Variants in HIPK2 observed in about 807,000 individuals in gnomAD.
HIPK2 encodes homeodomain-interacting protein kinase 2.
HIPK2 carries 27 observed loss-of-function variants against 113.7 expected under a neutral mutation model. That is an observed-to-expected ratio of 0.24 (90% CI 0.17 to 0.33). The LOEUF is 0.33. HIPK2 is among the 10% of genes least tolerant of loss of function. The pLI is 1.00. For synonymous variants in HIPK2, 631 were observed against 642.2 expected, an observed-to-expected ratio of 0.98 and a Z score of 0.26; for missense variants, 1,257 against 1,588.0, an observed-to-expected ratio of 0.79 and a Z score of 3.54.
chr7:139,728,307 C>T (rs1467287074), intron 1 of HIPK2, among the ~76,000 whole-genome samples: 1 of 152,118 alleles, frequency 6.6e-6, no homozygotes, highest in African/African-American at 2.4e-5. Context: ...ATGAATCTGC[C>T]AGGGTTGGGG....
chr7:139,605,489 G>C (rs1392985401), intron 9 of HIPK2, among the ~76,000 whole-genome samples: 2 of 152,144 alleles, frequency 1.3e-5, no homozygotes, highest in African/African-American at 4.8e-5. Flanking sequence ...CGAATGCAGT[G>C]CTTCACAAAC....
At chr7:139,670,291 A>C (rs1400469937) in intron 2 of HIPK2, among the ~76,000 whole-genome samples, 1 of 152,130 alleles carries the variant, frequency 6.6e-6, no homozygotes, top group East Asian at 1.9e-4. Flanking sequence ...TCATATGTCT[A>C]AGGAAACTGT....
Position 139,613,272 on chromosome 7 carries a change from T to C in HIPK2, c.2042A>G (p.Asn681Ser). Residue 681 changes from asparagine to serine, a missense_variant, in exon 9 of 15, where the codon AAT becomes AGT. Physicochemically the swap from Asn to Ser is conservative, Grantham distance 46. This residue lies in a region of HIPK2 where 862 missense variants were observed against 1,004.3 expected (regional missense o/e 0.86). Transcript: ENST00000406875. This position sits in a 1 kb window ranked among gnomAD's most constrained non-coding sequence, Gnocchi z 4.2. The stretch of plus-strand genomic sequence containing the variant: ...GGCTTGAGTGACGATGGGAACTGCA[T>C]TTTCCATTCGCACCGAGTAGCCAGC... ...KHAGYSVRME[N>S]AVPIVTQAPG... 1 of 1,613,782 alleles carries C rather than the reference T, an allele frequency of 6.2e-7. No homozygotes were observed. Among genetic ancestry groups the C allele is most frequent in the Non-Finnish European group, 8.5e-7 (1 of 1,179,826 alleles).
rs1469400340 is a variant in HIPK2, at chr7:139,570,835, C to CAATT, written c.*2088_*2091dup. On this transcript the variant is annotated 3_prime_UTR_variant, in exon 15 of 15. Transcript: ENST00000406875. ...CTAAAGACTCAACATCAGAAGCAAA[C>CAATT]AATTAGAACCACCCTTTTCGGCCCC... The CAATT allele has an allele frequency of 6.6e-6, 1 of 152,188 alleles. No homozygotes were observed. The highest frequency in any genetic ancestry group is 1.5e-5 in the Non-Finnish European group (1 of 68,028). The allele number at this position is 152,188 out of a possible 1,614,324, so 9.4% of individuals were successfully genotyped here.
intron 5 of HIPK2, among the ~76,000 whole-genome samples, chr7:139,628,681 G>A (rs529380935): frequency 6.6e-5 from 10 of 152,280 alleles, no homozygotes; most frequent in East Asian, 3.9e-4. Context: ...TCATCCACTC[G>A]CCTTGGCCTC....
chr7:139,637,577 A>C (rs1025282978), intron 2 of HIPK2, among the ~76,000 whole-genome samples: 3 of 152,070 alleles, frequency 2.0e-5, no homozygotes, highest in Non-Finnish European at 4.4e-5. Flanking sequence ...CTCCCTTGAC[A>C]CCAGTTAGTC....
At position 139,678,380 on chromosome 7, in the gene HIPK2, C is replaced by T. The variant is rs528903724; in HGVS notation, c.1103+37552G>A. Among the ~76,000 whole-genome samples the T allele has an allele frequency of 5.9e-5, 9 of 152,304 alleles. No individual in the cohort carries two copies. The East Asian group carries it at 1.7e-3, about 29-fold the overall frequency. ...AAGGTATAAGGAAGGGGTCCAGTTT[C>T]AGTTTTCTGCATATGGCTAGCCAGT... On this transcript the variant is annotated intron_variant, in intron 2 of 14. Transcript: ENST00000406875.
At chr7:139,728,343 C>T (rs1372616289) in intron 1 of HIPK2, among the ~76,000 whole-genome samples, 1 of 152,174 alleles carries the variant, frequency 6.6e-6, no homozygotes, top group African/African-American at 2.4e-5. Flanking sequence ...GACTGGGCAG[C>T]CTAAACAGCA....
chr7:139,577,335 G>A (rs1014351275), intron 13 of HIPK2, among the ~76,000 whole-genome samples: 4 of 151,954 alleles, frequency 2.6e-5, no homozygotes, highest in Admixed American at 2.6e-4. Context: ...ATTTTTAGTA[G>A]AGACAGGGTT....
intron 2 of HIPK2, among the ~76,000 whole-genome samples, chr7:139,687,384 G>T (rs530261633): frequency 1.3e-5 from 2 of 152,352 alleles, no homozygotes; most frequent in South Asian, 4.1e-4. Context: ...AATAATGCAT[G>T]TGATTCACTG....
chr7:139,600,223 C>A (rs1404974118), intron 11 of HIPK2, among the ~76,000 whole-genome samples, 194 bp downstream of exon 11: 6 of 152,188 alleles, frequency 3.9e-5, no homozygotes, highest in South Asian at 2.1e-4. Flanking sequence ...GGTCTTAAAC[C>A]AAGTGCTTCC....
rs1794120310 is a variant in HIPK2, at chr7:139,683,486, A to G, written c.1103+32446T>C. Among the ~76,000 whole-genome samples the G allele has an allele frequency of 6.6e-6, 1 of 151,634 alleles. No homozygotes were observed. Among genetic ancestry groups the G allele is most frequent in the Admixed American group, 6.5e-5 (1 of 15,270 alleles). On this transcript the variant is annotated intron_variant, in intron 2 of 14. Coordinates refer to ENST00000406875, the MANE Select transcript of HIPK2 (RefSeq NM_022740.5). The surrounding 1 kb of genome is among the most constrained non-coding windows in gnomAD (Gnocchi z 4.2). ...AGGACTGCTCACAACACGGGAGCCA[A>G]AGCGAGAAATACCAGAGAGAGAGAC...
chr7:139,635,820 T>G (rs1447710458), intron 2 of HIPK2, among the ~76,000 whole-genome samples: 1 of 152,196 alleles, frequency 6.6e-6, no homozygotes, highest in African/African-American at 2.4e-5. Context: ...CCACATGCTC[T>G]AGCGGCTCCC....
intron 1 of HIPK2, among the ~76,000 whole-genome samples, chr7:139,771,297 C>T (rs552569006): frequency 1.3e-5 from 2 of 151,998 alleles, no homozygotes; most frequent in Admixed American, 6.5e-5. Flanking sequence ...TACTTATGGC[C>T]TCTGCATTCT....
At chr7:139,650,350 A>T in intron 2 of HIPK2, among the ~76,000 whole-genome samples, 1 of 7,772 alleles carries the variant, frequency 1.3e-4, no homozygotes, top group African/African-American at 5.3e-4. Flanking sequence ...ACTCCATCTC[A>T]AAAAAAAAAA....
intron 2 of HIPK2, among the ~76,000 whole-genome samples, chr7:139,704,522 A>G (rs1794833019): frequency 6.6e-6 from 1 of 150,612 alleles, no homozygotes. Context: ...ACACACCCCA[A>G]CACACCCCCA....
At position 139,613,042 on chromosome 7, in the gene HIPK2, A is replaced by T; in HGVS notation, c.2112+160T>A. On this transcript the variant is annotated intron_variant, in intron 9 of 14. Transcript: ENST00000406875. This position sits in a 1 kb window ranked among gnomAD's most constrained non-coding sequence, Gnocchi z 4.2. The stretch of plus-strand genomic sequence containing the variant: ...ATTGTAAGCAGATACTTAGGAAGGT[A>T]ATTCACTTGGGGACCATTTAGAATA... 1 of 367,574 alleles carries T rather than the reference A, an allele frequency of 2.7e-6. No homozygotes were observed. Among genetic ancestry groups the T allele is most frequent in the Non-Finnish European group, 3.8e-6 (1 of 265,220 alleles). 22.8% of individuals were successfully genotyped at this position (367,574 alleles called of 1,614,324 possible). A position where few individuals can be genotyped will look rare whatever the true frequency, so the allele number is the denominator to read the frequency against.
rs1269540008 is a variant in HIPK2, at chr7:139,562,318, G to T, written c.*10609C>A. ...GAGCTGAGATGACCTGGGAGAGAAA[G>T]ATCTAGGTGAGATGACCCTGGGGAG... On this transcript the variant is annotated 3_prime_UTR_variant, in exon 15 of 15. Transcript: ENST00000406875. 1.3e-5 allele frequency: 2 copies of T among 152,220 alleles called. No homozygotes were observed. Among genetic ancestry groups the T allele is most frequent in the African/African-American group, 4.8e-5 (2 of 41,444 alleles). 9.4% of individuals were successfully genotyped at this position (152,220 alleles called of 1,614,324 possible).
intron 13 of HIPK2, among the ~76,000 whole-genome samples, chr7:139,577,139 CCTTT>C (rs1408249602): frequency 2.8e-5 from 4 of 145,084 alleles, no homozygotes; most frequent in African/African-American, 1.0e-4. Context: ...TACTGGGCTT[CCTTT>C]TTTTTTTTTT....
Sources: gnomAD v4.1 joint callset for allele counts (sites outside exome capture counted in the v4.1 genomes callset) on GRCh38, gnomAD v4.1.1 for gene constraint, gnomAD v4.1.1 regional missense constraint, Gnocchi (gnomAD v3.1) non-coding constraint, MANE v1.5 for transcripts, NCBI Gene and HGNC (gene_info 2026-07-23, HGNC 2026-07-21) for gene names.